Variants in GNL1 observed in about 807,000 individuals in gnomAD.
The protein encoded by GNL1 is G protein nucleolar 1.
Under a neutral mutation model 75.2 loss-of-function variants are expected in GNL1, and 21 were observed. The ratio of observed to expected loss-of-function variants is 0.28; its 90% CI spans 0.20 to 0.40. GNL1 has a LOEUF of 0.40. Among genes scored for constraint, GNL1 ranks in the 10% least tolerant of loss-of-function variants. The probability of loss-of-function intolerance (pLI) is 1.00; values close to 1 mark genes in which losing one functional copy is unlikely to be tolerated. For missense variants in GNL1, 579 were observed against 775.0 expected (o/e 0.75, Z 3.00); for synonymous variants, 287 against 303.4 (o/e 0.95, Z 0.56).
chr6:30,546,443 CCATT>C lies in GNL1; in HGVS notation c.1583-134_1583-131del, dbSNP rs1799459220. On this transcript the variant is annotated intron_variant, in intron 11 of 11. Coordinates refer to ENST00000376621, the MANE Select transcript of GNL1 (RefSeq NM_005275.5). This position sits in a 1 kb window ranked among gnomAD's most constrained non-coding sequence, Gnocchi z 5.1. ...GAGCTGCTGGCATTCATTCATTCAT[CCATT>C]CATTCAACTTCCTATGTGCAGATTG... The C allele has an allele frequency of 4.3e-6, 3 of 703,048 alleles. No homozygotes were observed. Among genetic ancestry groups the C allele is most frequent in the African/African-American group, 1.8e-5 (1 of 55,274 alleles). 43.6% of individuals were successfully genotyped at this position (703,048 alleles called of 1,614,324 possible).
At position 30,555,753 on chromosome 6, in the gene GNL1, C is replaced by A; in HGVS notation, c.74-33G>T. 1 of 1,608,540 alleles carries A rather than the reference C, an allele frequency of 6.2e-7. No individual in the cohort carries two copies. On this transcript the variant is annotated intron_variant, in intron 1 of 11. Transcript: ENST00000376621. The surrounding 1 kb of genome is among the most constrained non-coding windows in gnomAD (Gnocchi z 4.3). Reference sequence around the variant, plus strand: ...GAGGGGCCGGTGACGCCAGTGCTGGCCAGCTCTCAGGGGCCATAAGACCCT... The same window carrying A: ...GAGGGGCCGGTGACGCCAGTGCTGGACAGCTCTCAGGGGCCATAAGACCCT...
rs746870988 is a variant in GNL1, at chr6:30,555,790, G to A, written c.74-70C>T. 1.3e-6 allele frequency: 2 copies of A among 1,483,634 alleles called. No individual in the cohort carries two copies. Among genetic ancestry groups the A allele is most frequent in the Admixed American group, 3.6e-5 (2 of 55,164 alleles). 91.9% of individuals were successfully genotyped at this position (1,483,634 alleles called of 1,614,324 possible). ...GGCCATAAGACCCTCTCCCCCATCG[G>A]CCTGACTCCCTTTCATCCCACTCAA... On this transcript the variant is annotated intron_variant, in intron 1 of 11. Coordinates refer to ENST00000376621, the MANE Select transcript of GNL1 (RefSeq NM_005275.5). The surrounding 1 kb of genome is among the most constrained non-coding windows in gnomAD (Gnocchi z 4.3).
In GNL1 at chr6:30,542,981, CA is replaced by C. The variant is rs1562694259; in HGVS notation, c.*3090del. 6.6e-6 allele frequency: 1 copy of C among 152,308 alleles called. No individual in the cohort carries two copies. The highest frequency in any genetic ancestry group is 1.5e-5 in the Non-Finnish European group (1 of 68,066). 9.4% of individuals were successfully genotyped at this position (152,308 alleles called of 1,614,324 possible). ...GCACCCTCTGCCTCTGAACAAGTTA[CA>C]GTCTTCCAAAGTTGTCATGTTTCTT... On this transcript the variant is annotated 3_prime_UTR_variant, in exon 12 of 12. Transcript: ENST00000376621. This position sits in a 1 kb window ranked among gnomAD's most constrained non-coding sequence, Gnocchi z 4.5.
Position 30,544,642 on chromosome 6 carries a change from CT to C in GNL1, c.*1429del, listed in dbSNP as rs1267703502. The stretch of plus-strand genomic sequence containing the variant: ...ATGCTGGTATTATTTAAACTTTGCA[CT>C]GGAGTGAATTCCAGGAGTTATGTCC... On this transcript the variant is annotated 3_prime_UTR_variant, in exon 12 of 12. Coordinates refer to ENST00000376621, the MANE Select transcript of GNL1 (RefSeq NM_005275.5). 1.3e-5 allele frequency: 2 copies of C among 152,232 alleles called. No individual in the cohort carries two copies. The highest frequency in any genetic ancestry group is 2.9e-5 in the Non-Finnish European group (2 of 68,058). The allele number at this position is 152,232 out of a possible 1,614,324, so 9.4% of individuals were successfully genotyped here. A position where few individuals can be genotyped will look rare whatever the true frequency, so the allele number is the denominator to read the frequency against.
At position 30,555,683 on chromosome 6, in the gene GNL1, G is replaced by A. The variant is rs141314263; in HGVS notation, c.111C>T (p.Arg37=). The part of the protein sequence containing the change: ...QDGLRSSSNS[R]SGSRERREEQ... ...CCTCTCGCCGCTCCCGGCTCCCGCT[G>A]CGGCTGTTGGAACTGGAGCGCAGCC... Residue 37 remains arginine, a synonymous_variant, in exon 2 of 12, where the codon CGC becomes CGT. Coordinates refer to ENST00000376621, the MANE Select transcript of GNL1 (RefSeq NM_005275.5). The surrounding 1 kb of genome is among the most constrained non-coding windows in gnomAD (Gnocchi z 4.3). The A allele has an allele frequency of 1.5e-4, 237 of 1,613,492 alleles. No homozygotes were observed. Among genetic ancestry groups the A allele is most frequent in the Non-Finnish European group, 1.9e-4 (226 of 1,179,944 alleles).
In GNL1 at chr6:30,542,123, C is replaced by A. The variant is rs1035158875; in HGVS notation, c.*3949G>T. The stretch of plus-strand genomic sequence containing the variant: ...AAAATTCTCTCCTCACCTCCACTGC[C>A]TTTACGCTTTTCCTCCAAATTATTC... On this transcript the variant is annotated 3_prime_UTR_variant, in exon 12 of 12. Transcript: ENST00000376621. This position sits in a 1 kb window ranked among gnomAD's most constrained non-coding sequence, Gnocchi z 4.5. 6.6e-6 allele frequency: 1 copy of A among 152,482 alleles called. No homozygotes were observed. Among genetic ancestry groups the A allele is most frequent in the Non-Finnish European group, 1.5e-5 (1 of 68,114 alleles). The allele number at this position is 152,482 out of a possible 1,614,324, so 9.4% of individuals were successfully genotyped here.
At chr6:30,554,525 T>C in intron 5 of GNL1, 50 bp downstream of exon 5, 3 of 1,102,474 alleles carry the variant, frequency 2.7e-6, no homozygotes, top group Non-Finnish European at 4.2e-6. Flanking sequence ...CCTTTGCCCC[T>C]GAAAAACCTT....
chr6:30,554,000 C>T (rs1229693902), intron 5 of GNL1, among the ~76,000 whole-genome samples: 1 of 152,158 alleles, frequency 6.6e-6, no homozygotes, highest in African/African-American at 2.4e-5. Flanking sequence ...TGCAAACATG[C>T]CTGTGTATAT....
At position 30,547,036 on chromosome 6, in the gene GNL1, G is replaced by A. The variant is rs1260187198; in HGVS notation, c.1441+76C>T. 3 of 1,347,836 alleles carry A rather than the reference G, an allele frequency of 2.2e-6. No homozygotes were observed. The highest frequency in any genetic ancestry group is 3.2e-6 in the Non-Finnish European group (3 of 941,118). 83.5% of individuals were successfully genotyped at this position (1,347,836 alleles called of 1,614,324 possible). A position where few individuals can be genotyped will look rare whatever the true frequency, so the allele number is the denominator to read the frequency against. The stretch of plus-strand genomic sequence containing the variant: ...TCTCTGAGGAGAGGAAAGGAGACAG[G>A]GAAGGGTAAAAGGCGAGGCAGGTAA... On this transcript the variant is annotated intron_variant, in intron 10 of 11. Transcript: ENST00000376621. This position sits in a 1 kb window ranked among gnomAD's most constrained non-coding sequence, Gnocchi z 5.5.
Position 30,544,689 on chromosome 6 carries a change from G to A in GNL1, c.*1383C>T, listed in dbSNP as rs1799352570. On this transcript the variant is annotated 3_prime_UTR_variant, in exon 12 of 12. Transcript: ENST00000376621. ...TGTCCACACTGAGACCAATGGAGAT[G>A]AACCTAAAGCAATATGTGGCCAAAC... is the stretch of plus-strand genomic sequence containing the variant. The A allele has an allele frequency of 1.3e-5, 2 of 152,194 alleles. No homozygotes were observed. The highest frequency in any genetic ancestry group is 3.8e-4 in the East Asian group (2 of 5,204). The allele number at this position is 152,194 out of a possible 1,614,324, so 9.4% of individuals were successfully genotyped here. A position where few individuals can be genotyped will look rare whatever the true frequency, so the allele number is the denominator to read the frequency against.
intron 6 of GNL1, 60 bp downstream of exon 6, chr6:30,553,289 CT>C: frequency 6.7e-7 from 1 of 1,484,064 alleles, no homozygotes; most frequent in Non-Finnish European, 9.4e-7. Context: ...CCTCTCTGTT[CT>C]CCCCTTTGTC....
At position 30,548,877 on chromosome 6, in the gene GNL1, C is replaced by T. The variant is rs1799595652; in HGVS notation, c.1100-1347G>A. ...TTACCTACTTTTTTCACCATTTCTT[C>T]CTGCTATCTTCTTTGTAACTGTAAA... On this transcript the variant is annotated intron_variant, in intron 8 of 11. Transcript: ENST00000376621. The surrounding 1 kb of genome is among the most constrained non-coding windows in gnomAD (Gnocchi z 4.2). Among the ~76,000 whole-genome samples, 1 of 152,208 alleles carries T rather than the reference C, an allele frequency of 6.6e-6. No homozygotes were observed. The highest frequency in any genetic ancestry group is 2.4e-5 in the African/African-American group (1 of 41,456).
rs1469351543 is a variant in GNL1, at chr6:30,556,408, G to C, written c.-205C>G. 1 of 609,616 alleles carries C rather than the reference G, an allele frequency of 1.6e-6. No individual in the cohort carries two copies. The highest frequency in any genetic ancestry group is 2.9e-6 in the Non-Finnish European group (1 of 346,870). 37.8% of individuals were successfully genotyped at this position (609,616 alleles called of 1,614,324 possible). A position where few individuals can be genotyped will look rare whatever the true frequency, so the allele number is the denominator to read the frequency against. On this transcript the variant is annotated 5_prime_UTR_variant, in exon 1 of 12. Coordinates refer to ENST00000376621, the MANE Select transcript of GNL1 (RefSeq NM_005275.5). The surrounding 1 kb of genome is among the most constrained non-coding windows in gnomAD (Gnocchi z 5.7). ...GAGATATAGTCACTTCCCTCCAGGA[G>C]CGAGGCGAGAGGATGATGCGGGGTG...
At chr6:30,549,040 C>T (rs972432114) in intron 8 of GNL1, among the ~76,000 whole-genome samples, 7 of 152,122 alleles carry the variant, frequency 4.6e-5, no homozygotes, top group Non-Finnish European at 4.4e-5. Flanking sequence ...CTCCCTCACC[C>T]GGGCTGGAGT....
chr6:30,551,246 G>A (rs1385775676), intron 8 of GNL1, among the ~76,000 whole-genome samples: 3 of 152,208 alleles, frequency 2.0e-5, no homozygotes, highest in Non-Finnish European at 2.9e-5. Context: ...AGCAGAGGCT[G>A]CTAAGAGAGG....
Position 30,546,489 on chromosome 6 carries a change from T to G in GNL1, c.1583-176A>C. 1.5e-6 allele frequency: 1 copy of G among 668,778 alleles called. No individual in the cohort carries two copies. The highest frequency in any genetic ancestry group is 2.6e-6 in the Non-Finnish European group (1 of 384,808). The allele number at this position is 668,778 out of a possible 1,614,324, so 41.4% of individuals were successfully genotyped here. On this transcript the variant is annotated intron_variant, in intron 11 of 11. Coordinates refer to ENST00000376621, the MANE Select transcript of GNL1 (RefSeq NM_005275.5). This position sits in a 1 kb window ranked among gnomAD's most constrained non-coding sequence, Gnocchi z 5.1. ...TGCAGATTGCTGAACAGAACCTTTG[T>G]GCACATCAACTTCAATCTTTACAAT...
In GNL1 at chr6:30,543,439, G is replaced by T. The variant is rs1288027621; in HGVS notation, c.*2633C>A. ...TCTCACTTACCACTTGGAAGTGACTGGCAGGTAGTAATTGCTCAACAAATG... is the reference window on the plus strand; with the variant it reads ...TCTCACTTACCACTTGGAAGTGACTTGCAGGTAGTAATTGCTCAACAAATG... On this transcript the variant is annotated 3_prime_UTR_variant, in exon 12 of 12. Transcript: ENST00000376621. 6.6e-6 allele frequency: 1 copy of T among 152,082 alleles called. No individual in the cohort carries two copies. The highest frequency in any genetic ancestry group is 1.9e-4 in the East Asian group (1 of 5,200). 9.4% of individuals were successfully genotyped at this position (152,082 alleles called of 1,614,324 possible).
At position 30,552,585 on chromosome 6, in the gene GNL1, C is replaced by T; in HGVS notation, c.981G>A (p.Glu327=). The part of the protein sequence containing the change: ...GATWGNGSGE[E]EEEEDGPAVL... ...CTGCTGGGCCATCCTCCTCTTCCTCCTCCTCCCCAGAGCCATTACCCCAGG... is the reference window on the plus strand; with the variant it reads ...CTGCTGGGCCATCCTCCTCTTCCTCTTCCTCCCCAGAGCCATTACCCCAGG... Residue 327 remains glutamate (E), a synonymous_variant, in exon 8 of 12, where the codon GAG becomes GAA. Coordinates refer to ENST00000376621, the MANE Select transcript of GNL1 (RefSeq NM_005275.5). The surrounding 1 kb of genome is among the most constrained non-coding windows in gnomAD (Gnocchi z 4.5). 6.2e-7 allele frequency: 1 copy of T among 1,614,096 alleles called. No individual in the cohort carries two copies. Among genetic ancestry groups the T allele is most frequent in the Non-Finnish European group, 8.5e-7 (1 of 1,179,982 alleles).
At chr6:30,551,842 T>C (rs115134085) in intron 8 of GNL1, among the ~76,000 whole-genome samples, 6,374 of 152,222 alleles carry the variant, frequency 0.042, 203 homozygotes, top group African/African-American at 0.086. Flanking sequence ...TACACTCTCT[T>C]AACACTATTC....
Sources: gnomAD v4.1 joint callset for allele counts (sites outside exome capture counted in the v4.1 genomes callset) on GRCh38, gnomAD v4.1.1 for gene constraint, Gnocchi (gnomAD v3.1) non-coding constraint, MANE v1.5 for transcripts, NCBI Gene and HGNC (gene_info 2026-07-23, HGNC 2026-07-21) for gene names.